ZNF827: variants seen among roughly 807,000 people sequenced by gnomAD.
The protein encoded by ZNF827 is zinc finger protein 827.
In ZNF827, 13 loss-of-function variants were observed where a neutral mutation model predicts 102.4. The observed-to-expected ratio is 0.13, with a 90% CI of 0.08 to 0.20. The LOEUF (loss-of-function observed/expected upper bound fraction) is 0.20. ZNF827 is among the 10% of genes least tolerant of loss of function. The pLI is 1.00. For missense variants in ZNF827, 1,103 were observed against 1,344.4 expected, an observed-to-expected ratio of 0.82 and a Z score of 2.81; for synonymous variants, 523 against 536.2, an observed-to-expected ratio of 0.98 and a Z score of 0.34.
At chr4:145,838,590 A>G (rs1222980321) in intron 7 of ZNF827, among the ~76,000 whole-genome samples, 2 of 152,238 alleles carry the variant, frequency 1.3e-5, no homozygotes, top group Non-Finnish European at 2.9e-5. Context: ...GATTAAATAA[A>G]TTATAACACA....
At chr4:145,929,121 C>G (rs1165800655) in intron 1 of ZNF827, among the ~76,000 whole-genome samples, 2 of 152,166 alleles carry the variant, frequency 1.3e-5, no homozygotes, top group African/African-American at 4.8e-5. Context: ...CAGCTTGTAA[C>G]CTACGATATG....
Position 145,760,738 on chromosome 4 carries a change from G to C in ZNF827, c.*878C>G. ...TTTTGTGGTTTTTTTTTTTTTTTTT[G>C]TCTTTTGTCTCTCTGTTTTTGGTAC... On this transcript the variant is annotated 3_prime_UTR_variant, in exon 15 of 15. Transcript: ENST00000508784. 2 of 406,396 alleles carry C rather than the reference G, an allele frequency of 4.9e-6. No homozygotes were observed. Among genetic ancestry groups the C allele is most frequent in the South Asian group, 9.6e-5 (1 of 10,400 alleles). The allele number at this position is 406,396 out of a possible 1,614,324, so 25.2% of individuals were successfully genotyped here.
At chr4:145,855,889 C>G (rs903252376) in intron 5 of ZNF827, among the ~76,000 whole-genome samples, 1 of 152,154 alleles carries the variant, frequency 6.6e-6, no homozygotes, top group African/African-American at 2.4e-5. Context: ...GAATTAAGAA[C>G]CCAATGCTTA....
chr4:145,804,488 A>C (rs1741214556), intron 8 of ZNF827, among the ~76,000 whole-genome samples: 1 of 152,246 alleles, frequency 6.6e-6, no homozygotes, highest in Non-Finnish European at 1.5e-5. Context: ...ATCTAGCTGA[A>C]CAATGGGTTT....
Position 145,759,172 on chromosome 4 carries a change from C to T in ZNF827, c.*2444G>A, listed in dbSNP as rs1734194296. 1 of 152,188 alleles carries T rather than the reference C, an allele frequency of 6.6e-6. No homozygotes were observed. The highest frequency in any genetic ancestry group is 2.4e-5 in the African/African-American group (1 of 41,448). The allele number at this position is 152,188 out of a possible 1,614,324, so 9.4% of individuals were successfully genotyped here. ...ATATAAACTTTTATATTCCAAACTT[C>T]CCATTATTATACAAAGAACATTTCT... On this transcript the variant is annotated 3_prime_UTR_variant, in exon 15 of 15. Coordinates refer to ENST00000508784, the MANE Select transcript of ZNF827 (RefSeq NM_001306215.2).
intron 8 of ZNF827, among the ~76,000 whole-genome samples, chr4:145,814,871 G>A (rs1742432403): frequency 6.6e-6 from 1 of 152,124 alleles, no homozygotes; most frequent in Non-Finnish European, 1.5e-5. Context: ...AACCTGGGAG[G>A]TGGAGGATGC....
intron 11 of ZNF827, chr4:145,771,032 G>T (rs945501585): frequency 2.0e-5 from 3 of 152,192 alleles, no homozygotes; most frequent in African/African-American, 7.2e-5. Flanking sequence ...TTTCCTTATG[G>T]TAAGTGGTTA....
At chr4:145,833,857 G>GACCTCTTATCTCTGCGCCCCA (rs1255950872) in intron 7 of ZNF827, among the ~76,000 whole-genome samples, 1 of 148,362 alleles carries the variant, frequency 6.7e-6, no homozygotes, top group Non-Finnish European at 1.5e-5. Flanking sequence ...TCCATGCCCT[G>GACCTCTTATCTCTGCGCCCCA]ACCTCTTATC....
At chr4:145,844,886 A>G (rs1197320635) in intron 7 of ZNF827, among the ~76,000 whole-genome samples, 1 of 152,130 alleles carries the variant, frequency 6.6e-6, no homozygotes, top group African/African-American at 2.4e-5. Context: ...AGGTCGATTA[A>G]TAAGACATCA....
rs142383644 is a variant in ZNF827, at chr4:145,882,582, G to T, written c.1747+3096C>A. On this transcript the variant is annotated intron_variant, in intron 4 of 14. Transcript: ENST00000508784. ...TATCCACTGACTTTTAATCCCACTC[G>T]GTTCCATTCAATCATCTTTATGCTT... 3.3e-5 allele frequency among the ~76,000 whole-genome samples: 5 copies of T among 152,238 alleles called. No individual in the cohort carries two copies. In the East Asian group the frequency reaches 9.6e-4, roughly 29 times the overall value.
At chr4:145,911,457 T>C (rs1161830745) in intron 1 of ZNF827, among the ~76,000 whole-genome samples, 1 of 152,198 alleles carries the variant, frequency 6.6e-6, no homozygotes, top group African/African-American at 2.4e-5. Flanking sequence ...AATGGGTGAC[T>C]ATCATTATTA....
At chr4:145,784,551 A>G (rs752816598) in intron 8 of ZNF827, among the ~76,000 whole-genome samples, 4 of 152,160 alleles carry the variant, frequency 2.6e-5, no homozygotes. Flanking sequence ...CATCTTAATT[A>G]TCTTCTTCTG....
At chr4:145,851,907 C>T (rs1746573141) in intron 5 of ZNF827, among the ~76,000 whole-genome samples, 1 of 152,202 alleles carries the variant, frequency 6.6e-6, no homozygotes, top group Non-Finnish European at 1.5e-5. Context: ...TGATCTTCCT[C>T]CCTCAAGCCC....
chr4:145,937,985 C>G (rs1411861985), intron 1 of ZNF827, among the ~76,000 whole-genome samples: 1 of 150,310 alleles, frequency 6.7e-6, no homozygotes, highest in Non-Finnish European at 1.5e-5. Flanking sequence ...CACCTCCCCC[C>G]ACCAAACCCC....
rs1476388903 is a variant in ZNF827 at position 145,870,357 on chromosome 4, C to T, written c.1869G>A (p.Val623=). The T allele has an allele frequency of 1.2e-6, 2 of 1,614,186 alleles. No homozygotes were observed. The highest frequency in any genetic ancestry group is 2.2e-5 in the South Asian group (2 of 91,072). Residue 623 remains valine, a synonymous_variant, in exon 5 of 15, where the codon GTG becomes GTA. Coordinates refer to ENST00000508784, the MANE Select transcript of ZNF827 (RefSeq NM_001306215.2). ...CGTCCTCAGAGACGCCTGGGGCTGA[C>T]ACTTCAGATTCCGGGCTGAACACAT... ...SSYVFSPESE[V]SAPGVSEDAL...
At chr4:145,909,569 T>C (rs529601511) in intron 1 of ZNF827, among the ~76,000 whole-genome samples, 2 of 152,308 alleles carry the variant, frequency 1.3e-5, no homozygotes, top group Non-Finnish European at 2.9e-5. Context: ...TTCCCCTCCA[T>C]GGGCCTATCA....
chr4:145,860,099 C>T (rs12499988), intron 5 of ZNF827, among the ~76,000 whole-genome samples: 45,705 of 152,016 alleles, frequency 0.3, 7,232 homozygotes, highest in Non-Finnish European at 0.34. Context: ...TACATATTAC[C>T]CGATATGATG....
At chr4:145,836,746 A>G (rs1182589497) in intron 7 of ZNF827, among the ~76,000 whole-genome samples, 1 of 152,016 alleles carries the variant, frequency 6.6e-6, no homozygotes, top group African/African-American at 2.4e-5. Flanking sequence ...CGGTTCCACC[A>G]GGCCTAATCG....
At chr4:145,930,367 C>G (rs1382519136) in intron 1 of ZNF827, among the ~76,000 whole-genome samples, 1 of 152,220 alleles carries the variant, frequency 6.6e-6, no homozygotes, top group Non-Finnish European at 1.5e-5. Flanking sequence ...CCACATCTCT[C>G]TCTCACCCCT....
Sources: allele counts gnomAD v4.1 joint callset (sites outside exome capture counted in the v4.1 genomes callset), GRCh38; gene constraint gnomAD v4.1.1; transcripts MANE v1.5; gene names NCBI Gene and HGNC (gene_info 2026-07-23, HGNC 2026-07-21).